MCC: variants seen among roughly 807,000 people sequenced by gnomAD.
The protein encoded by MCC is MCC regulator of Wnt signaling pathway, also known as colorectal mutant cancer protein.
Under a neutral mutation model 116.2 loss-of-function variants are expected in MCC, and 90 were observed. The observed-to-expected ratio is 0.77, with a 90% CI of 0.65 to 0.92. The LOEUF (loss-of-function observed/expected upper bound fraction) is 0.92, where lower values mean the gene tolerates loss of function less well. MCC is among the 40% of genes least tolerant of loss of function. MCC has a pLI of 0.00. For missense variants in MCC, 1,516 were observed against 1,312.2 expected, an observed-to-expected ratio of 1.16 and a Z score of -2.40; for synonymous variants, 578 against 510.5, an observed-to-expected ratio of 1.13 and a Z score of -1.78.
rs371905792 is a variant in MCC at position 113,068,114 on chromosome 5, C to A, written c.1995G>T (p.Gly665=). 1 of 1,614,042 alleles carries A rather than the reference C, an allele frequency of 6.2e-7. No individual in the cohort carries two copies. The highest frequency in any genetic ancestry group is 8.5e-7 in the Non-Finnish European group (1 of 1,180,032). ...LAESEQSLIL[G]QFRAAGVGSS... Reference sequence around the variant, plus strand: ...ACCCCACGCCCGCCGCTCGGAACTGCCCCAGGATGAGGCTCTGCTCACTCT... The same window carrying A: ...ACCCCACGCCCGCCGCTCGGAACTGACCCAGGATGAGGCTCTGCTCACTCT... The change falls in exon 13 of 19, where the codon GGG becomes GGT. Residue 665 remains glycine (G), a synonymous_variant. Transcript: ENST00000408903.
At chr5:113,068,327 C>T (rs1753770164) in intron 12 of MCC, 144 bp from the exon 13 acceptor site, 1 of 631,538 alleles carries the variant, frequency 1.6e-6, no homozygotes, top group Non-Finnish European at 2.8e-6. Flanking sequence ...ATGAATATTC[C>T]CAGGGCAGGG....
chr5:113,287,024 T>G (rs539903916), intron 3 of MCC, among the ~76,000 whole-genome samples: 1 of 117,232 alleles, frequency 8.5e-6, no homozygotes, highest in African/African-American at 4.2e-5. Flanking sequence ...TGCTTTTTTC[T>G]TTTTTTCACC....
At position 113,023,310 on chromosome 5, in the gene MCC, T is replaced by C. The variant is rs1750287553; in HGVS notation, c.*3992A>G. On this transcript the variant is annotated 3_prime_UTR_variant, in exon 19 of 19. Coordinates refer to ENST00000408903, the MANE Select transcript of MCC (RefSeq NM_001085377.2). ...TTTGTTTTGTAACCAGTTACGCCTC[T>C]TCTGTAAACTCTATAAGAGTGCTCA... 6.6e-6 allele frequency: 1 copy of C among 152,230 alleles called. No individual in the cohort carries two copies. Among genetic ancestry groups the C allele is most frequent in the Non-Finnish European group, 1.5e-5 (1 of 68,034 alleles). The allele number at this position is 152,230 out of a possible 1,614,324, so 9.4% of individuals were successfully genotyped here.
At chr5:113,400,139 T>C (rs1769642261) in intron 1 of MCC, 1 of 118,438 alleles carries the variant, frequency 8.4e-6, no homozygotes, top group African/African-American at 3.2e-5. Context: ...TTTTTTTTTT[T>C]TGAGATGGAG....
chr5:113,034,063 CTTT>C (rs35834150), intron 17 of MCC, among the ~76,000 whole-genome samples: 2 of 136,296 alleles, frequency 1.5e-5, no homozygotes, highest in Admixed American at 7.6e-5. Flanking sequence ...ATTTTTAAAA[CTTT>C]TTTTTTTTTT....
chr5:113,456,778 A>G (rs928197226), intron 1 of MCC, among the ~76,000 whole-genome samples: 2 of 135,120 alleles, frequency 1.5e-5, no homozygotes, highest in Admixed American at 7.7e-5. Flanking sequence ...GCCAATGAGC[A>G]CTACTTTTTT....
chr5:113,337,245 C>T (rs542598125), intron 3 of MCC, among the ~76,000 whole-genome samples: 3 of 152,296 alleles, frequency 2.0e-5, no homozygotes, highest in African/African-American at 7.2e-5. Flanking sequence ...TTTGCCACCA[C>T]TCCAGCAGGC....
chr5:113,083,798 A>G (rs187015165), intron 10 of MCC, among the ~76,000 whole-genome samples: 2 of 152,212 alleles, frequency 1.3e-5, no homozygotes, highest in Non-Finnish European at 2.9e-5. Flanking sequence ...GCAGGGTGAT[A>G]TAAGACAGAT....
intron 3 of MCC, among the ~76,000 whole-genome samples, chr5:113,254,185 ATTATT>A (rs1223953842): frequency 1.3e-5 from 2 of 152,228 alleles, no homozygotes; most frequent in Non-Finnish European, 2.9e-5. Flanking sequence ...CTAAGGGAAG[ATTATT>A]TTAAACTCAG....
At chr5:113,473,540 CA>C (rs1772151825) in intron 1 of MCC, among the ~76,000 whole-genome samples, 1 of 152,034 alleles carries the variant, frequency 6.6e-6, no homozygotes, top group Admixed American at 6.6e-5. Context: ...AAAACAAAAA[CA>C]AAAACAAAAC....
intron 13 of MCC, among the ~76,000 whole-genome samples, chr5:113,064,936 G>T (rs1263340849): frequency 6.6e-6 from 1 of 152,192 alleles, no homozygotes. Flanking sequence ...TGGGAGGACT[G>T]CTTGAACTTA....
chr5:113,141,492 A>G (rs1759179108), intron 5 of MCC, among the ~76,000 whole-genome samples: 1 of 152,172 alleles, frequency 6.6e-6, no homozygotes, highest in Non-Finnish European at 1.5e-5. Flanking sequence ...AGAACCCTGA[A>G]TAATTCAGAG....
At chr5:113,094,588 T>C (rs1005705938) in intron 8 of MCC, among the ~76,000 whole-genome samples, 2 of 152,014 alleles carry the variant, frequency 1.3e-5, no homozygotes, top group Non-Finnish European at 2.9e-5. Context: ...GCCTGGCTAA[T>C]TTTTTGTATT....
chr5:113,437,529 T>C (rs186260808), intron 1 of MCC, among the ~76,000 whole-genome samples: 15 of 152,176 alleles, frequency 9.9e-5, no homozygotes, highest in Non-Finnish European at 1.9e-4. Context: ...AATCCTAAAC[T>C]GACAGGATCA....
At chr5:113,356,641 C>T (rs1340407303) in intron 2 of MCC, among the ~76,000 whole-genome samples, 8 of 152,134 alleles carry the variant, frequency 5.3e-5, no homozygotes, top group African/African-American at 1.7e-4. Context: ...TTGGCAGCTA[C>T]AAGTTAGTAC....
chr5:113,271,102 G>A (rs192417736), intron 3 of MCC, among the ~76,000 whole-genome samples: 1 of 152,170 alleles, frequency 6.6e-6, no homozygotes, highest in Non-Finnish European at 1.5e-5. Flanking sequence ...GTATGTTCAT[G>A]TTAAGACAAT....
At chr5:113,256,561 C>A (rs1352310880) in intron 3 of MCC, among the ~76,000 whole-genome samples, 1 of 152,120 alleles carries the variant, frequency 6.6e-6, no homozygotes, top group Admixed American at 6.5e-5. Flanking sequence ...ATGGCATATT[C>A]AAGAAACGTC....
intron 8 of MCC, among the ~76,000 whole-genome samples, chr5:113,092,924 G>A (rs1253556097): frequency 6.6e-6 from 1 of 152,156 alleles, no homozygotes. Context: ...AGCATTGTTT[G>A]TGGTCATGGG....
At chr5:113,035,015 C>T (rs986167282) in intron 17 of MCC, among the ~76,000 whole-genome samples, 3 of 152,166 alleles carry the variant, frequency 2.0e-5, no homozygotes, top group African/African-American at 7.2e-5. Flanking sequence ...TTCCTAAAAA[C>T]TTCCACACTC....
Sources: gnomAD v4.1 joint callset for allele counts (sites outside exome capture counted in the v4.1 genomes callset) on GRCh38, gnomAD v4.1.1 for gene constraint, MANE v1.5 for transcripts, NCBI Gene and HGNC (gene_info 2026-07-23, HGNC 2026-07-21) for gene names.